The following XRN2 variants were observed in gnomAD, a reference collection of about 807,000 sequenced individuals.
XRN2 encodes DHM1-like protein.
XRN2 carries 44 observed loss-of-function variants against 138.5 expected under a neutral mutation model. The observed-to-expected ratio is 0.32, with a 90% confidence interval of 0.25 to 0.41. XRN2 has a LOEUF of 0.41. XRN2 is among the 10% of genes least tolerant of loss of function. The probability of loss-of-function intolerance (pLI) is 1.00; values close to 1 mark genes in which losing one functional copy is unlikely to be tolerated. For synonymous variants in XRN2, 354 were observed against 369.4 expected, an observed-to-expected ratio of 0.96 and a Z score of 0.48; for missense variants, 937 against 1,169.3, an observed-to-expected ratio of 0.80 and a Z score of 2.90.
chr20:21,379,354 T>C (rs2038858569), intron 27 of XRN2, among the ~76,000 whole-genome samples: 1 of 152,248 alleles, frequency 6.6e-6, no homozygotes, highest in Non-Finnish European at 1.5e-5. Flanking sequence ...CAGGAAATAC[T>C]TCTGCTTTAT....
At chr20:21,320,085 G>T (rs936110561) in intron 1 of XRN2, among the ~76,000 whole-genome samples, 13 of 152,082 alleles carry the variant, frequency 8.5e-5, no homozygotes, top group Non-Finnish European at 1.2e-4. Flanking sequence ...GTTTTTGACA[G>T]TGTGGTCTGT....
intron 20 of XRN2, 150 bp downstream of exon 20, chr20:21,349,611 C>T: frequency 1.5e-6 from 1 of 658,288 alleles, no homozygotes; most frequent in Non-Finnish European, 2.5e-6. Context: ...GGCGTGGTGG[C>T]TTGCACCTGT....
chr20:21,330,632 A>G lies in XRN2; in HGVS notation c.503A>G (p.Asp168Gly), dbSNP rs769166293. Residue 168 changes from aspartate (D) to glycine (G), a missense_variant, in exon 6 of 30, where the codon GAC becomes GGC. Physicochemically the swap from Asp to Gly is moderately conservative, Grantham distance 94 (BLOSUM62 -1). This residue lies in a region of XRN2 where 471 missense variants were observed against 581.2 expected (regional missense o/e 0.81). Coordinates refer to ENST00000377191, the MANE Select transcript of XRN2 (RefSeq NM_012255.5). ...NCITPGTEFM[D>G]NLAKCLRYYI... ...TCATTTTAGGGAACTGAATTCATGG[A>G]CAATCTTGCTAAATGCCTTCGCTAT... 1.9e-6 allele frequency: 3 copies of G among 1,613,744 alleles called. No homozygotes were observed. Among genetic ancestry groups the G allele is most frequent in the East Asian group, 2.2e-5 (1 of 44,818 alleles).
intron 1 of XRN2, among the ~76,000 whole-genome samples, chr20:21,324,899 G>A (rs548911861): frequency 2.0e-5 from 3 of 152,196 alleles, no homozygotes; most frequent in Non-Finnish European, 4.4e-5. Context: ...TATATTTACA[G>A]AGCTGTGCAA....
At chr20:21,312,694 C>T (rs899694432) in intron 1 of XRN2, among the ~76,000 whole-genome samples, 15 of 150,626 alleles carry the variant, frequency 1.0e-4, no homozygotes, top group Admixed American at 1.3e-4. Flanking sequence ...ACTGCAACCT[C>T]TGCCTCCTGG....
chr20:21,337,930 G>A (rs1309495286), intron 13 of XRN2, among the ~76,000 whole-genome samples: 3 of 151,978 alleles, frequency 2.0e-5, no homozygotes, highest in Non-Finnish European at 4.4e-5. Context: ...GCAGGTCATT[G>A]GTGACCTACA....
intron 24 of XRN2, among the ~76,000 whole-genome samples, chr20:21,358,261 AT>A (rs2057216002): frequency 1.3e-5 from 2 of 152,196 alleles, no homozygotes; most frequent in Non-Finnish European, 2.9e-5. Flanking sequence ...ATTTGTGAAA[AT>A]TTTTATTAGC....
chr20:21,324,481 G>T (rs1304529600), intron 1 of XRN2, among the ~76,000 whole-genome samples: 1 of 143,102 alleles, frequency 7.0e-6, no homozygotes, highest in Non-Finnish European at 1.5e-5. Flanking sequence ...TCTGTAAGTG[G>T]TATACTGTAT....
chr20:21,339,508 A>T (rs994226019), intron 14 of XRN2, among the ~76,000 whole-genome samples: 2 of 152,204 alleles, frequency 1.3e-5, no homozygotes, highest in Non-Finnish European at 2.9e-5. Context: ...ATCCCCTCAG[A>T]ATCCAATTCT....
chr20:21,381,956 T>C, intron 27 of XRN2, 38 bp from the exon 28 acceptor site: 1 of 1,561,898 alleles, frequency 6.4e-7, no homozygotes, highest in South Asian at 1.2e-5. Context: ...TTGGTTACTT[T>C]TAAAAATCTT....
chr20:21,370,007 T>G (rs912313018), intron 27 of XRN2, among the ~76,000 whole-genome samples: 55 of 152,332 alleles, frequency 3.6e-4, no homozygotes, highest in African/African-American at 1.3e-3. Context: ...ATTTAAGTCT[T>G]TAAACTATTT....
intron 6 of XRN2, among the ~76,000 whole-genome samples, 167 bp from the exon 7 acceptor site, chr20:21,331,394 G>A (rs2038205187): frequency 9.0e-6 from 1 of 111,312 alleles, no homozygotes; most frequent in East Asian, 2.7e-4. Context: ...TAGTTTTGGT[G>A]TTTTTCACAC....
rs869071652 is a variant in XRN2, at chr20:21,353,223, G to GAT, written c.1937-1525_1937-1524dup. On this transcript the variant is annotated intron_variant, in intron 20 of 29. Transcript: ENST00000377191. ...AAATATAAATAAATGTAGTGGGTAG[G>GAT]ATATATATATATATATATATATATA... 9.2e-3 allele frequency among the ~76,000 whole-genome samples: 1,038 copies of GAT among 113,434 alleles called. 13 individuals are homozygous for GAT. The highest frequency in any genetic ancestry group is 0.028 in the African/African-American group (765 of 27,168). The allele number at this position is 113,434 out of a possible 152,430, so 74.4% of individuals were successfully genotyped here. A position where few individuals can be genotyped will look rare whatever the true frequency, so the allele number is the denominator to read the frequency against.
rs148117300 is a variant in XRN2 at position 21,335,961 on chromosome 20, C to T, written c.1233+1776C>T. ...GGACACCAGGGGAAACCCTCAAAAA[C>T]GCAATAGGAAAGTTTCCAGATATAT... On this transcript the variant is annotated intron_variant, in intron 13 of 29. Coordinates refer to ENST00000377191, the MANE Select transcript of XRN2 (RefSeq NM_012255.5). 3.5e-3 allele frequency among the ~76,000 whole-genome samples: 526 copies of T among 152,240 alleles called. 4 individuals are homozygous for T. The highest frequency in any genetic ancestry group is 0.012 in the African/African-American group (495 of 41,530).
intron 1 of XRN2, among the ~76,000 whole-genome samples, chr20:21,311,992 C>T (rs905171469): frequency 7.1e-4 from 108 of 152,170 alleles, no homozygotes; most frequent in African/African-American, 2.5e-3. Flanking sequence ...GAGCCTCTGT[C>T]TCAAAAGACA....
intron 27 of XRN2, among the ~76,000 whole-genome samples, chr20:21,372,337 G>T (rs1156402630): frequency 6.6e-6 from 1 of 152,184 alleles, no homozygotes; most frequent in Admixed American, 6.5e-5. Context: ...TAGGCTGAGA[G>T]AAAATTATGA....
At chr20:21,321,787 A>G (rs929950353) in intron 1 of XRN2, among the ~76,000 whole-genome samples, 3 of 152,160 alleles carry the variant, frequency 2.0e-5, no homozygotes, top group African/African-American at 7.2e-5. Context: ...TTTAAAAGTA[A>G]TATTTACCAG....
intron 24 of XRN2, among the ~76,000 whole-genome samples, chr20:21,364,588 TA>T (rs2038673337): frequency 1.3e-5 from 2 of 152,136 alleles, no homozygotes; most frequent in South Asian, 4.1e-4. Flanking sequence ...GGGTGGGTCT[TA>T]TGAGTCCAGG....
rs1337448157 is a variant in XRN2, at chr20:21,354,808, C to T, written c.1956C>T (p.Phe652=). The change falls in exon 21 of 30, where the codon TTC becomes TTT. Residue 652 remains phenylalanine (F), a synonymous_variant. Coordinates refer to ENST00000377191, the MANE Select transcript of XRN2 (RefSeq NM_012255.5). ...TTTCAGGTGTTGCTCTCTTGCCATT[C>T]GTGGATGAGCGAAGGCTACGAGCTG... The part of the protein sequence containing the change: ...YAWQGVALLP[F]VDERRLRAAL... 1.2e-5 allele frequency: 19 copies of T among 1,613,924 alleles called. No homozygotes were observed. Among genetic ancestry groups the T allele is most frequent in the East Asian group, 2.2e-5 (1 of 44,864 alleles).
Sources: allele counts gnomAD v4.1 joint callset (sites outside exome capture counted in the v4.1 genomes callset), GRCh38; gene constraint gnomAD v4.1.1; regional missense constraint gnomAD v4.1.1; transcripts MANE v1.5; gene names NCBI Gene and HGNC (gene_info 2026-07-23, HGNC 2026-07-21).